GRAMD2B: variants seen among roughly 807,000 people sequenced by gnomAD.
GRAMD2B encodes the protein GRAM domain-containing protein 2B.
In GRAMD2B, 41 loss-of-function variants were observed where a neutral mutation model predicts 59.2. The ratio of observed to expected loss-of-function variants is 0.69; its 90% CI spans 0.54 to 0.90. The LOEUF is 0.90. Among genes scored for constraint, GRAMD2B ranks in the 40% least tolerant of loss-of-function variants. The pLI is 0.00. For synonymous variants in GRAMD2B, 161 were observed against 182.7 expected (o/e 0.88, Z 0.96); for missense variants, 424 against 500.5 (o/e 0.85, Z 1.46).
chr5:126,476,935 C>CA (rs1402150227), intron 5 of GRAMD2B, among the ~76,000 whole-genome samples: 1 of 152,080 alleles, frequency 6.6e-6, no homozygotes, highest in African/African-American at 2.4e-5. Context: ...ATTTATAAAT[C>CA]AAAAAACTGA....
At chr5:126,471,333 C>G (rs1406605775) in intron 3 of GRAMD2B, among the ~76,000 whole-genome samples, 2 of 152,224 alleles carry the variant, frequency 1.3e-5, no homozygotes, top group Non-Finnish European at 2.9e-5. Flanking sequence ...CCTCAGCCTC[C>G]CGAGTAGCTA....
rs139379323 is a variant in GRAMD2B at position 126,377,922 on chromosome 5, G to A, written c.125+6355G>A. Among the ~76,000 whole-genome samples, 607 of 152,214 alleles carry A rather than the reference G, an allele frequency of 4.0e-3. 6 individuals are homozygous for A. The highest frequency in any genetic ancestry group is 0.014 in the African/African-American group (575 of 41,508). The stretch of plus-strand genomic sequence containing the variant: ...ATCATAATATACATAAATATATAAA[G>A]TGGTAGATTCTATTCTTTTTATTGC... On this transcript the variant is annotated intron_variant, in intron 1 of 8. Transcript: ENST00000506445.
intron 1 of GRAMD2B, among the ~76,000 whole-genome samples, chr5:126,411,039 A>G (rs1417373151): frequency 6.6e-6 from 1 of 151,806 alleles, no homozygotes; most frequent in Non-Finnish European, 1.5e-5. Context: ...GTTTGTGAGC[A>G]TTTTCTCCCA....
chr5:126,380,853 C>T (rs1421130697), intron 1 of GRAMD2B, among the ~76,000 whole-genome samples: 1 of 152,106 alleles, frequency 6.6e-6, no homozygotes, highest in African/African-American at 2.4e-5. Flanking sequence ...CAAACAGTGA[C>T]AGTTTGACTT....
At chr5:126,454,727 C>T (rs1765970807) in intron 1 of GRAMD2B, among the ~76,000 whole-genome samples, 1 of 152,128 alleles carries the variant, frequency 6.6e-6, no homozygotes, top group Admixed American at 6.5e-5. Flanking sequence ...ATGGTGGCCT[C>T]TGCTAAACCA....
Position 126,480,727 on chromosome 5 carries a change from A to G in GRAMD2B, c.735+20A>G. On this transcript the variant is annotated intron_variant, in intron 8 of 13. Coordinates refer to ENST00000285689, the MANE Select transcript of GRAMD2B (RefSeq NM_023927.4). ...CCTCTGGTAAGTTGCCCACATAACT[A>G]TCTAAATGCAAAAGAAAGGGAATAT... The G allele has an allele frequency of 6.3e-7, 1 of 1,595,768 alleles. No homozygotes were observed. Among genetic ancestry groups the G allele is most frequent in the Non-Finnish European group, 8.6e-7 (1 of 1,163,344 alleles).
At chr5:126,384,794 T>C (rs1476138013) in intron 1 of GRAMD2B, among the ~76,000 whole-genome samples, 1 of 152,246 alleles carries the variant, frequency 6.6e-6, no homozygotes, top group Non-Finnish European at 1.5e-5. Context: ...TTCTGAGCTG[T>C]CCTTCAAAAC....
intron 1 of GRAMD2B, among the ~76,000 whole-genome samples, chr5:126,409,150 G>A (rs1339359402): frequency 5.3e-5 from 8 of 151,908 alleles, no homozygotes; most frequent in East Asian, 1.9e-4. Context: ...CAATAAACAC[G>A]TGTGCATGTG....
chr5:126,365,500 A>T (rs1480739576), intron 1 of GRAMD2B, among the ~76,000 whole-genome samples: 1 of 152,224 alleles, frequency 6.6e-6, no homozygotes, highest in Non-Finnish European at 1.5e-5. Flanking sequence ...TCTGAGGTCA[A>T]ATGTGTATGT....
At chr5:126,443,060 C>A (rs535602547) in intron 1 of GRAMD2B, among the ~76,000 whole-genome samples, 91 of 152,312 alleles carry the variant, frequency 6.0e-4, no homozygotes, top group African/African-American at 2.0e-3. Context: ...ATTTACCACT[C>A]TCTCCCAGCC....
intron 2 of GRAMD2B, among the ~76,000 whole-genome samples, chr5:126,468,164 A>T (rs1768816660): frequency 6.6e-6 from 1 of 152,220 alleles, no homozygotes; most frequent in African/African-American, 2.4e-5. Flanking sequence ...TATGCATTCT[A>T]CTTTGAAATG....
At chr5:126,415,680 A>C (rs902791934) in intron 1 of GRAMD2B, among the ~76,000 whole-genome samples, 1 of 152,182 alleles carries the variant, frequency 6.6e-6, no homozygotes, top group Admixed American at 6.5e-5. Flanking sequence ...AGTCCTCTGC[A>C]TTCCCTTCTC....
At position 126,395,350 on chromosome 5, in the gene GRAMD2B, T is replaced by C. The variant is rs74563025; in HGVS notation, c.125+23783T>C. On this transcript the variant is annotated intron_variant, in intron 1 of 8. Coordinates refer to the GRAMD2B transcript ENST00000506445. ...AAGATAAGATCGCTTTAATCTGAAT[T>C]AAACAACTATGGTCTGAGCCTGAAG... Among the ~76,000 whole-genome samples, 1,166 of 152,296 alleles carry C rather than the reference T, an allele frequency of 7.7e-3. 16 individuals are homozygous for C. The highest frequency in any genetic ancestry group is 0.027 in the African/African-American group (1,111 of 41,560).
chr5:126,375,732 G>A (rs1755129205), intron 1 of GRAMD2B, among the ~76,000 whole-genome samples: 1 of 152,176 alleles, frequency 6.6e-6, no homozygotes, highest in Non-Finnish European at 1.5e-5. Flanking sequence ...ATGTTGAGTA[G>A]ATGCAATAAT....
chr5:126,395,685 A>G (rs971113430), intron 1 of GRAMD2B, among the ~76,000 whole-genome samples: 35 of 152,210 alleles, frequency 2.3e-4, no homozygotes, highest in African/African-American at 8.4e-4. Flanking sequence ...AAAAAGAACA[A>G]ACGTCGGGGA....
At chr5:126,473,209 G>A in intron 4 of GRAMD2B, 56 bp from the exon 5 acceptor site, 1 of 647,786 alleles carries the variant, frequency 1.5e-6, no homozygotes, top group Non-Finnish European at 2.5e-6. Flanking sequence ...TATATACACG[G>A]TTTTTATTTT....
chr5:126,387,820 G>C (rs1004903219), intron 1 of GRAMD2B, among the ~76,000 whole-genome samples: 3 of 152,124 alleles, frequency 2.0e-5, no homozygotes, highest in African/African-American at 7.2e-5. Context: ...AAAAAATGAA[G>C]AATTGTCTTT....
intron 1 of GRAMD2B, among the ~76,000 whole-genome samples, chr5:126,384,817 C>G (rs1755977021): frequency 6.6e-6 from 1 of 152,246 alleles, no homozygotes; most frequent in African/African-American, 2.4e-5. Context: ...GGCCAGGTAT[C>G]ACTGCCTTCA....
intron 1 of GRAMD2B, among the ~76,000 whole-genome samples, chr5:126,408,967 A>G (rs1758514396): frequency 1.3e-5 from 2 of 150,582 alleles, no homozygotes; most frequent in South Asian, 4.2e-4. Flanking sequence ...GCGATAGTTT[A>G]CTGAGAATGA....
Sources: gnomAD v4.1 joint callset for allele counts (sites outside exome capture counted in the v4.1 genomes callset) on GRCh38, gnomAD v4.1.1 for gene constraint, MANE v1.5 for transcripts, NCBI Gene and HGNC (gene_info 2026-07-23, HGNC 2026-07-21) for gene names.